CCSER1: variants seen among roughly 807,000 people sequenced by gnomAD.
The protein encoded by CCSER1 is coiled-coil serine rich protein 1.
In CCSER1, 41 loss-of-function variants were observed where a neutral mutation model predicts 82.0. That is an observed-to-expected ratio of 0.50 (90% CI 0.39 to 0.65). The LOEUF (loss-of-function observed/expected upper bound fraction) is 0.65, where lower values mean the gene tolerates loss of function less well. Ranked by LOEUF, CCSER1 falls within the 30% of genes least tolerant of loss-of-function variation. The pLI is 0.00. For synonymous variants in CCSER1, 414 were observed against 383.9 expected (o/e 1.08, Z -0.92); for missense variants, 1,119 against 1,064.2 (o/e 1.05, Z -0.72).
chr4:90,290,336 A>G (rs538796895), intron 1 of CCSER1, among the ~76,000 whole-genome samples: 4 of 151,990 alleles, frequency 2.6e-5, no homozygotes, highest in East Asian at 1.9e-4. Context: ...AGTGTATACT[A>G]TATGCTAGGA....
intron 1 of CCSER1, among the ~76,000 whole-genome samples, chr4:90,304,983 T>A (rs1733981004): frequency 6.6e-6 from 1 of 151,846 alleles, no homozygotes; most frequent in Non-Finnish European, 1.5e-5. Flanking sequence ...AGTGGCCTGA[T>A]CTGGCTCACT....
chr4:90,407,702 C>A (rs963922953), intron 4 of CCSER1, among the ~76,000 whole-genome samples: 1 of 152,178 alleles, frequency 6.6e-6, no homozygotes, highest in Non-Finnish European at 1.5e-5. Context: ...CAGCTCCCAG[C>A]GTGAGCGACG....
At chr4:91,305,080 C>T (rs1022126208) in intron 10 of CCSER1, among the ~76,000 whole-genome samples, 2 of 151,916 alleles carry the variant, frequency 1.3e-5, no homozygotes, top group Non-Finnish European at 2.9e-5. Context: ...TTTTCATTCT[C>T]CCTAAGAAAA....
At chr4:91,055,950 T>C (rs1743407122) in intron 9 of CCSER1, among the ~76,000 whole-genome samples, 1 of 152,104 alleles carries the variant, frequency 6.6e-6, no homozygotes, top group South Asian at 2.1e-4. Flanking sequence ...CATGCATCCT[T>C]TCTTTTAGCT....
At chr4:90,315,792 C>T (rs957383014) in intron 3 of CCSER1, among the ~76,000 whole-genome samples, 4 of 152,234 alleles carry the variant, frequency 2.6e-5, no homozygotes, top group South Asian at 2.1e-4. Context: ...TGTGAGTCAC[C>T]GCACCTGAGC....
chr4:90,303,802 G>T (rs1378929271), intron 1 of CCSER1, among the ~76,000 whole-genome samples: 4 of 151,938 alleles, frequency 2.6e-5, no homozygotes, highest in Admixed American at 6.6e-5. Flanking sequence ...TTGACAAATG[G>T]GATCTAATTA....
At chr4:90,377,135 A>G (rs941099869) in intron 3 of CCSER1, among the ~76,000 whole-genome samples, 2 of 152,172 alleles carry the variant, frequency 1.3e-5, no homozygotes, top group African/African-American at 4.8e-5. Context: ...TGTCTGTACC[A>G]GGATTTTTAT....
intron 9 of CCSER1, among the ~76,000 whole-genome samples, chr4:91,053,534 C>T (rs1268764129): frequency 1.3e-5 from 2 of 152,158 alleles, no homozygotes; most frequent in African/African-American, 4.8e-5. Context: ...TTGGCTGCCA[C>T]CAACTACTTT....
At chr4:90,303,286 A>G (rs1437945161) in intron 1 of CCSER1, among the ~76,000 whole-genome samples, 1 of 152,188 alleles carries the variant, frequency 6.6e-6, no homozygotes, top group Non-Finnish European at 1.5e-5. Flanking sequence ...TCTTTACAGA[A>G]TTGGAAAAAA....
intron 10 of CCSER1, among the ~76,000 whole-genome samples, chr4:91,150,379 G>A (rs774194031): frequency 2.2e-4 from 33 of 152,190 alleles, no homozygotes; most frequent in Admixed American, 9.8e-4. Flanking sequence ...GAGACTTTGG[G>A]CTGGGATGAT....
Position 90,501,766 on chromosome 4 carries a change from C to T in CCSER1, c.1724+33412C>T, listed in dbSNP as rs140999577. 7.8e-3 allele frequency among the ~76,000 whole-genome samples: 1,190 copies of T among 152,186 alleles called. 8 individuals are homozygous for T. Among genetic ancestry groups the T allele is most frequent in the Middle Eastern group, 0.037 (11 of 294 alleles). ...ATGAAGGAAACACAATTAAGATGAT[C>T]TTTTCCTAAATATACTTTGGCCCTT... On this transcript the variant is annotated intron_variant, in intron 5 of 10. Transcript: ENST00000509176.
intron 10 of CCSER1, among the ~76,000 whole-genome samples, chr4:91,163,432 A>G (rs1384023561): frequency 1.3e-5 from 2 of 152,014 alleles, no homozygotes; most frequent in African/African-American, 4.8e-5. Context: ...AGAGTTCTGT[A>G]GATGTCTATT....
intron 8 of CCSER1, among the ~76,000 whole-genome samples, chr4:90,852,142 A>G (rs997434310): frequency 2.0e-5 from 3 of 152,228 alleles, no homozygotes. Flanking sequence ...AGATATAAGG[A>G]ACAAACTTTA....
intron 6 of CCSER1, among the ~76,000 whole-genome samples, chr4:90,697,612 C>T (rs1033865627): frequency 2.0e-5 from 3 of 152,080 alleles, no homozygotes; most frequent in Non-Finnish European, 2.9e-5. Context: ...TTTTGCTATC[C>T]GCATAAACCT....
chr4:91,146,168 C>G (rs2148940417), intron 10 of CCSER1, among the ~76,000 whole-genome samples: 1 of 152,172 alleles, frequency 6.6e-6, no homozygotes, highest in African/African-American at 2.4e-5. Context: ...ATTCAAAGAA[C>G]TGGTCTTTGA....
intron 8 of CCSER1, among the ~76,000 whole-genome samples, chr4:90,897,728 T>C (rs1182113514): frequency 6.6e-6 from 1 of 152,114 alleles, no homozygotes; most frequent in Non-Finnish European, 1.5e-5. Context: ...TTGAACTAAT[T>C]TACATTGTCC....
chr4:90,990,936 C>T (rs981355086), intron 9 of CCSER1, among the ~76,000 whole-genome samples: 1 of 151,880 alleles, frequency 6.6e-6, no homozygotes, highest in Non-Finnish European at 1.5e-5. Flanking sequence ...ACTACCTATC[C>T]TCTAATTCAG....
intron 10 of CCSER1, among the ~76,000 whole-genome samples, chr4:91,590,733 A>G (rs1004198741): frequency 6.6e-6 from 1 of 152,234 alleles, no homozygotes; most frequent in African/African-American, 2.4e-5. Flanking sequence ...GTGTATTACT[A>G]CGTTGGATTG....
rs565560169 is a variant in CCSER1, at chr4:90,979,716, G to T, written c.2172+56269G>T. Among the ~76,000 whole-genome samples, 39 of 151,880 alleles carry T rather than the reference G, an allele frequency of 2.6e-4. No homozygotes were observed. The South Asian group carries it at 7.7e-3, about 30-fold the overall frequency. On this transcript the variant is annotated intron_variant, in intron 9 of 10. Coordinates refer to ENST00000509176, the MANE Select transcript of CCSER1 (RefSeq NM_001145065.2). ...TTAAATATCAAAGTGATTGTGGAAG[G>T]CATGGCCATTGGAGCCTCTATTTGT...
Sources: allele counts gnomAD v4.1 joint callset (sites outside exome capture counted in the v4.1 genomes callset), GRCh38; gene constraint gnomAD v4.1.1; transcripts MANE v1.5; gene names NCBI Gene and HGNC (gene_info 2026-07-23, HGNC 2026-07-21).